Variants in EIF2AK4 observed in about 807,000 individuals in gnomAD.
EIF2AK4 encodes the protein eukaryotic translation initiation factor 2 alpha kinase 4.
In EIF2AK4, 139 loss-of-function variants were observed where a neutral mutation model predicts 211.1. That is an observed-to-expected ratio of 0.66 (90% CI 0.57 to 0.76). EIF2AK4 has a LOEUF of 0.76. EIF2AK4 is among the 30% of genes least tolerant of loss of function. The pLI is 0.00. For missense variants in EIF2AK4, 1,664 were observed against 2,043.8 expected, an observed-to-expected ratio of 0.81 and a Z score of 3.58; for synonymous variants, 710 against 751.3, an observed-to-expected ratio of 0.94 and a Z score of 0.90.
chr15:39,981,075 A>G (rs1437961997), intron 13 of EIF2AK4, among the ~76,000 whole-genome samples: 1 of 152,192 alleles, frequency 6.6e-6, no homozygotes. Flanking sequence ...CAGGAATAAT[A>G]GCATAAATAA....
chr15:39,951,532 C>T (rs1391188304), intron 4 of EIF2AK4: 4 of 358,784 alleles, frequency 1.1e-5, no homozygotes, highest in African/African-American at 2.2e-5. Context: ...ACTCTGGAAG[C>T]ACAGATCTGT....
At chr15:40,020,718 T>G in intron 30 of EIF2AK4, 181 bp from the exon 31 acceptor site, 1 of 399,564 alleles carries the variant, frequency 2.5e-6, no homozygotes, top group African/African-American at 2.4e-5. Flanking sequence ...TGTTTGAGTG[T>G]GTCTTTTTTT....
At position 39,955,653 on chromosome 15, in the gene EIF2AK4, G is replaced by A. The variant is rs1358627094; in HGVS notation, c.628G>A (p.Asp210Asn). 1.9e-6 allele frequency: 3 copies of A among 1,610,770 alleles called. No homozygotes were observed. The highest frequency in any genetic ancestry group is 2.5e-6 in the Non-Finnish European group (3 of 1,179,110). The stretch of plus-strand genomic sequence containing the variant: ...GGAAATTGCTAGTTTGTCAAACCAA[G>A]ATCATACCTCTAAGAAGGACCCAGG... ...RLEIASLSNQDHTSKKDPGGH... is the reference protein window; with the variant it reads ...RLEIASLSNQNHTSKKDPGGH... Residue 210 changes from aspartate (D) to asparagine (N), a missense_variant, in exon 6 of 39, where the codon GAT (aspartate) becomes AAT (asparagine). This residue lies in a region of EIF2AK4 where 641 missense variants were observed against 729.6 expected (regional missense o/e 0.88). Transcript: ENST00000263791.
At chr15:39,985,691 C>G in intron 13 of EIF2AK4, 114 bp from the exon 14 acceptor site, 1 of 846,876 alleles carries the variant, frequency 1.2e-6, no homozygotes, top group Non-Finnish European at 1.9e-6. Context: ...TGACTTCTCC[C>G]TAAGGCAACT....
chr15:39,944,344 C>A (rs1219631361), intron 3 of EIF2AK4, among the ~76,000 whole-genome samples: 2 of 152,084 alleles, frequency 1.3e-5, no homozygotes, highest in African/African-American at 4.8e-5. Context: ...TAGGCCAGAC[C>A]AATTCCCTCG....
In EIF2AK4 at chr15:39,941,491, T is replaced by A. The variant is rs12917379; in HGVS notation, c.257+1874T>A. ...CAGGGGTCAAATATCAAATATATAT[T>A]TTTTTATTATACCATAGCCTCAAGA... On this transcript the variant is annotated intron_variant, in intron 2 of 38. Coordinates refer to ENST00000263791, the MANE Select transcript of EIF2AK4 (RefSeq NM_001013703.4). Among the ~76,000 whole-genome samples, 332 of 152,282 alleles carry A rather than the reference T, an allele frequency of 2.2e-3. 2 individuals are homozygous for A. The highest frequency in any genetic ancestry group is 0.015 in the South Asian group (72 of 4,826).
rs751066928 is a variant in EIF2AK4, at chr15:40,011,253, T to C, written c.3694-28T>C. 4.8e-5 allele frequency: 78 copies of C among 1,609,986 alleles called. No homozygotes were observed. The South Asian group carries it at 6.6e-4, about 14-fold the overall frequency. ...TGTTCAGTGCCAGATTTCGCGACTC[T>C]CATTGTTACCTTTTTCTTCCACGTT... On this transcript the variant is annotated intron_variant, in intron 26 of 38. Transcript: ENST00000263791.
chr15:39,964,945 G>A lies in EIF2AK4; in HGVS notation c.860-741G>A, dbSNP rs188720088. Among the ~76,000 whole-genome samples the A allele has an allele frequency of 1.4e-4, 21 of 152,020 alleles. No individual in the cohort carries two copies. In the East Asian group the frequency reaches 4.1e-3, roughly 29 times the overall value. On this transcript the variant is annotated intron_variant, in intron 7 of 38. Coordinates refer to ENST00000263791, the MANE Select transcript of EIF2AK4 (RefSeq NM_001013703.4). ...GATGTATTCAGATTTTCAAATTACTGTTTTACTGTGCACACTAATCTATAA... is the reference window on the plus strand; with the variant it reads ...GATGTATTCAGATTTTCAAATTACTATTTTACTGTGCACACTAATCTATAA...
intron 9 of EIF2AK4, among the ~76,000 whole-genome samples, chr15:39,970,230 C>T (rs2034604735): frequency 6.6e-6 from 1 of 152,048 alleles, no homozygotes; most frequent in Non-Finnish European, 1.5e-5. Context: ...ACCCTGTTGC[C>T]AAAATTATTG....
At chr15:39,978,595 G>A (rs12050584) in intron 13 of EIF2AK4, among the ~76,000 whole-genome samples, 150,953 of 152,332 alleles carry the variant, frequency 0.99, 74,810 homozygotes, top group East Asian at 1. Flanking sequence ...ACTGTGTATC[G>A]TGATCCTATA....
At position 40,020,905 on chromosome 15, in the gene EIF2AK4, A is replaced by G; in HGVS notation, c.4180A>G (p.Ile1394Val). ...CGGTCTGTTTCTGATCCAGGTTACA[A>G]TAAGCTCTTGTGACCTCCTGGTTGT... ...AVLNMEESVTISSCDLLVVSV... is the reference protein window; with the variant it reads ...AVLNMEESVTVSSCDLLVVSV... Residue 1394 changes from isoleucine to valine, a missense_variant, in exon 31 of 39, where the codon ATA (isoleucine) becomes GTA (valine). Physicochemically the swap from Ile to Val is conservative, Grantham distance 29. Coordinates refer to ENST00000263791, the MANE Select transcript of EIF2AK4 (RefSeq NM_001013703.4). 3.7e-6 allele frequency: 6 copies of G among 1,610,268 alleles called. No individual in the cohort carries two copies. Among genetic ancestry groups the G allele is most frequent in the Non-Finnish European group, 5.1e-6 (6 of 1,178,266 alleles).
At chr15:40,032,689 C>A in intron 36 of EIF2AK4, 68 bp from the exon 37 acceptor site, 1 of 1,437,438 alleles carries the variant, frequency 7.0e-7, no homozygotes, top group Non-Finnish European at 9.7e-7. Flanking sequence ...CTGCATTTCA[C>A]GTGACACTAT....
rs1393485247 is a variant in EIF2AK4 at position 40,019,157 on chromosome 15, C to G, written c.4130C>G (p.Ala1377Gly). ...CCCACTGCCATTGGGGTCAGCATAG[C>G]TATAGACAAGATATCTGCTGCTGTC... Reference protein sequence around the residue: ...PVPTAIGVSIAIDKISAAVLN... With the variant: ...PVPTAIGVSIGIDKISAAVLN... The change falls in exon 30 of 39, where the codon GCT becomes GGT. Residue 1377 changes from alanine to glycine, a missense_variant. By Grantham distance (60) the Ala-to-Gly change is moderately conservative. Transcript: ENST00000263791. 1 of 1,604,778 alleles carries G rather than the reference C, an allele frequency of 6.2e-7. No individual in the cohort carries two copies. Among genetic ancestry groups the G allele is most frequent in the Non-Finnish European group, 8.5e-7 (1 of 1,175,606 alleles).
At chr15:39,962,113 G>T (rs1026344484) in intron 7 of EIF2AK4, among the ~76,000 whole-genome samples, 3 of 152,128 alleles carry the variant, frequency 2.0e-5, no homozygotes, top group Admixed American at 6.5e-5. Flanking sequence ...CTGTGTTTTT[G>T]TCTGGGCACC....
chr15:39,959,917 A>G (rs1298944374), intron 6 of EIF2AK4, among the ~76,000 whole-genome samples: 1 of 152,142 alleles, frequency 6.6e-6, no homozygotes, highest in Non-Finnish European at 1.5e-5. Context: ...TAATCCCAGC[A>G]CTTTGGGAGG....
intron 23 of EIF2AK4, among the ~76,000 whole-genome samples, chr15:40,006,053 G>C (rs563523321): frequency 6.6e-6 from 1 of 152,222 alleles, no homozygotes; most frequent in South Asian, 2.1e-4. Flanking sequence ...GTGCACATCA[G>C]GTTGTTTGTA....
chr15:40,033,803 G>A (rs2035575593), intron 37 of EIF2AK4, among the ~76,000 whole-genome samples: 1 of 152,038 alleles, frequency 6.6e-6, no homozygotes, highest in Non-Finnish European at 1.5e-5. Flanking sequence ...GACGTGGGTG[G>A]ATCACCTGAG....
At chr15:39,988,389 G>A (rs1041852642) in intron 15 of EIF2AK4, among the ~76,000 whole-genome samples, 1 of 152,222 alleles carries the variant, frequency 6.6e-6, no homozygotes, top group African/African-American at 2.4e-5. Flanking sequence ...GCCTGTTCTT[G>A]TATGGCCTGT....
At chr15:40,025,848 G>A (rs2140948738) in intron 32 of EIF2AK4, 129 bp from the exon 33 acceptor site, 1 of 800,978 alleles carries the variant, frequency 1.2e-6, no homozygotes, top group East Asian at 2.7e-5. Flanking sequence ...GTCCCCTGGG[G>A]AGCAAAATTG....
Sources: gnomAD v4.1 joint callset for allele counts (sites outside exome capture counted in the v4.1 genomes callset) on GRCh38, gnomAD v4.1.1 for gene constraint, gnomAD v4.1.1 regional missense constraint, MANE v1.5 for transcripts, NCBI Gene and HGNC (gene_info 2026-07-23, HGNC 2026-07-21) for gene names.